CAMK1D: variants seen among roughly 807,000 people sequenced by gnomAD.
CAMK1D encodes the protein calcium/calmodulin dependent protein kinase ID.
A neutral mutation model predicts 47.7 loss-of-function variants in CAMK1D; 9 were observed. The ratio of observed to expected loss-of-function variants is 0.19; its 90% CI spans 0.11 to 0.33. The LOEUF is 0.33. Among genes scored for constraint, CAMK1D ranks in the 10% least tolerant of loss-of-function variants. The pLI is 1.00. For missense variants in CAMK1D, 291 were observed against 488.7 expected, an observed-to-expected ratio of 0.60 and a Z score of 3.81; for synonymous variants, 184 against 184.9, an observed-to-expected ratio of 0.99 and a Z score of 0.04.
chr10:12,552,617 G>A (rs1836621868), intron 1 of CAMK1D, among the ~76,000 whole-genome samples: 1 of 152,212 alleles, frequency 6.6e-6, no homozygotes, highest in South Asian at 2.1e-4. Context: ...TGGCTCCAAA[G>A]TGACGCCACT....
chr10:12,698,624 G>A (rs1281114384), intron 3 of CAMK1D, among the ~76,000 whole-genome samples: 1 of 149,538 alleles, frequency 6.7e-6, no homozygotes, highest in African/African-American at 2.5e-5. Flanking sequence ...CCATGTCAGT[G>A]TGGTGTTTTT....
At chr10:12,524,973 C>G (rs1835571042) in intron 1 of CAMK1D, among the ~76,000 whole-genome samples, 1 of 151,940 alleles carries the variant, frequency 6.6e-6, no homozygotes. Context: ...TCTTTATTTC[C>G]CCTTTATTTC....
chr10:12,716,900 G>T (rs184336324), intron 3 of CAMK1D, among the ~76,000 whole-genome samples: 9 of 152,290 alleles, frequency 5.9e-5, no homozygotes, highest in African/African-American at 2.2e-4. Flanking sequence ...AGGGGAGCAA[G>T]GGAAAGCGTG....
intron 2 of CAMK1D, among the ~76,000 whole-genome samples, chr10:12,661,051 A>G (rs1386811810): frequency 1.3e-5 from 2 of 152,122 alleles, no homozygotes; most frequent in African/African-American, 4.8e-5. Context: ...ACCTCTTTCT[A>G]ATTACTCTGG....
In CAMK1D at chr10:12,394,882, C is replaced by T. The variant is rs565714806; in HGVS notation, c.92+44972C>T. Among the ~76,000 whole-genome samples the T allele has an allele frequency of 3.3e-5, 5 of 152,008 alleles. No individual in the cohort carries two copies. In the South Asian group the frequency reaches 1.0e-3, roughly 32 times the overall value. ...AGCAGGGCTGTGATCTGGACCTGGA[C>T]CAGTGTGGTGGCAGGCAGGAAAGAG... On this transcript the variant is annotated intron_variant, in intron 1 of 10. Transcript: ENST00000619168.
rs548694799 is a variant in CAMK1D, at chr10:12,698,776, G to A, written c.299+31966G>A. Among the ~76,000 whole-genome samples, 5 of 140,910 alleles carry A rather than the reference G, an allele frequency of 3.5e-5. No homozygotes were observed. In the South Asian group the frequency reaches 6.8e-4, roughly 19 times the overall value. 92.4% of individuals were successfully genotyped at this position (140,910 alleles called of 152,430 possible). A position where few individuals can be genotyped will look rare whatever the true frequency, so the allele number is the denominator to read the frequency against. On this transcript the variant is annotated intron_variant, in intron 3 of 10. Transcript: ENST00000619168. ...TATCCTCCGCCTCCTGGATTGAAGC[G>A]ATTCTCCTGCCTCAGGCTCCCAAGT...
chr10:12,736,421 G>A (rs1281443128), intron 3 of CAMK1D, among the ~76,000 whole-genome samples: 2 of 152,148 alleles, frequency 1.3e-5, no homozygotes, highest in African/African-American at 4.8e-5. Context: ...ATTCTATTCG[G>A]CGAGTTCTAG....
At chr10:12,771,730 A>C (rs1837047979) in intron 5 of CAMK1D, among the ~76,000 whole-genome samples, 1 of 152,188 alleles carries the variant, frequency 6.6e-6, no homozygotes, top group Non-Finnish European at 1.5e-5. Context: ...TGCTCTGCTC[A>C]TTTTTGAAAG....
intron 1 of CAMK1D, among the ~76,000 whole-genome samples, chr10:12,428,351 T>C (rs1012437174): frequency 6.6e-6 from 1 of 152,178 alleles, no homozygotes; most frequent in African/African-American, 2.4e-5. Flanking sequence ...GTGGGGAGCT[T>C]TTAGGCCCTT....
At chr10:12,370,885 G>A (rs1307663925) in intron 1 of CAMK1D, among the ~76,000 whole-genome samples, 2 of 152,124 alleles carry the variant, frequency 1.3e-5, no homozygotes, top group Non-Finnish European at 2.9e-5. Flanking sequence ...TGGGATTACA[G>A]GGATGAGCCA....
At chr10:12,466,083 T>C (rs775350061) in intron 1 of CAMK1D, among the ~76,000 whole-genome samples, 4 of 152,098 alleles carry the variant, frequency 2.6e-5, no homozygotes, top group Admixed American at 6.6e-5. Flanking sequence ...CTTGGGAGGT[T>C]GAGGAAGGAA....
chr10:12,557,406 G>T (rs1836795574), intron 2 of CAMK1D, among the ~76,000 whole-genome samples: 1 of 151,884 alleles, frequency 6.6e-6, no homozygotes, highest in African/African-American at 2.4e-5. Flanking sequence ...AAAAAAATTG[G>T]CCGGGTATGG....
At chr10:12,736,907 T>C (rs984488353) in intron 3 of CAMK1D, among the ~76,000 whole-genome samples, 5 of 152,206 alleles carry the variant, frequency 3.3e-5, no homozygotes, top group African/African-American at 1.2e-4. Context: ...GGTCTTCTCC[T>C]CTCTGTCTGT....
chr10:12,668,242 T>C (rs1840494970), intron 3 of CAMK1D, among the ~76,000 whole-genome samples: 1 of 152,266 alleles, frequency 6.6e-6, no homozygotes, highest in South Asian at 2.1e-4. Flanking sequence ...CATCACTTTC[T>C]CATCAAATAT....
chr10:12,774,016 C>G (rs572373828), intron 5 of CAMK1D, among the ~76,000 whole-genome samples: 38 of 143,990 alleles, frequency 2.6e-4, no homozygotes, highest in Non-Finnish European at 4.9e-4. Flanking sequence ...TCATTCAGCC[C>G]TTGAAGAATT....
chr10:12,625,532 T>C (rs1764701707), intron 2 of CAMK1D, among the ~76,000 whole-genome samples: 1 of 150,528 alleles, frequency 6.6e-6, no homozygotes, highest in Non-Finnish European at 1.5e-5. Context: ...GAGACGGGTA[T>C]GCTGCCCAGG....
intron 1 of CAMK1D, among the ~76,000 whole-genome samples, chr10:12,401,125 G>T (rs1452929457): frequency 3.7e-5 from 2 of 53,994 alleles, no homozygotes; most frequent in Admixed American, 3.3e-4. Context: ...TATAATATAT[G>T]TATTATATAT....
intron 5 of CAMK1D, among the ~76,000 whole-genome samples, chr10:12,783,532 G>A (rs1034032806): frequency 6.6e-6 from 1 of 152,112 alleles, no homozygotes; most frequent in African/African-American, 2.4e-5. Context: ...TTCTTGGCAC[G>A]TCCTTGGGGC....
intron 2 of CAMK1D, among the ~76,000 whole-genome samples, chr10:12,632,951 C>T (rs1016223872): frequency 6.6e-6 from 1 of 152,180 alleles, no homozygotes; most frequent in Non-Finnish European, 1.5e-5. Flanking sequence ...CCTCAGCCTC[C>T]CAAAGTGCTG....
Sources: gnomAD v4.1 joint callset for allele counts (sites outside exome capture counted in the v4.1 genomes callset) on GRCh38, gnomAD v4.1.1 for gene constraint, MANE v1.5 for transcripts, NCBI Gene and HGNC (gene_info 2026-07-23, HGNC 2026-07-21) for gene names.